Variants in SLIT3 observed in about 807,000 individuals in gnomAD.
The protein encoded by SLIT3 is slit homolog 3 protein.
In SLIT3, 68 loss-of-function variants were observed where a neutral mutation model predicts 184.0. The observed-to-expected ratio is 0.37, with a 90% CI of 0.30 to 0.45. The LOEUF (loss-of-function observed/expected upper bound fraction) is 0.45. Among genes scored for constraint, SLIT3 ranks in the 20% least tolerant of loss-of-function variants. SLIT3 has a pLI of 1.00. For missense variants in SLIT3, 1,707 were observed against 2,026.0 expected (o/e 0.84, Z 3.02); for synonymous variants, 831 against 828.6 (o/e 1.00, Z -0.05).
At chr5:169,010,057 A>G (rs1269239550) in intron 4 of SLIT3, among the ~76,000 whole-genome samples, 2 of 152,212 alleles carry the variant, frequency 1.3e-5, no homozygotes, top group East Asian at 3.9e-4. Context: ...CGAGTTTTAC[A>G]GGAGGAAGGA....
chr5:169,276,721 T>C (rs1766819447), intron 1 of SLIT3, among the ~76,000 whole-genome samples: 1 of 152,202 alleles, frequency 6.6e-6, no homozygotes, highest in South Asian at 2.1e-4. Flanking sequence ...CAACTACAAA[T>C]AGAATGATTA....
chr5:168,880,145 A>G lies in SLIT3; in HGVS notation c.485+3120T>C, dbSNP rs189621716. The stretch of plus-strand genomic sequence containing the variant: ...TCTCTCTCCCAAGAGACAGCGTGAG[A>G]GAGAGATACGAGCCTAAACCCTCAC... On this transcript the variant is annotated intron_variant, in intron 5 of 35. Transcript: ENST00000519560. Among the ~76,000 whole-genome samples, 5 of 152,310 alleles carry G rather than the reference A, an allele frequency of 3.3e-5. No individual in the cohort carries two copies. The East Asian group carries it at 9.6e-4, about 29-fold the overall frequency.
At chr5:169,289,779 A>T (rs561438648) in intron 1 of SLIT3, among the ~76,000 whole-genome samples, 1 of 152,358 alleles carries the variant, frequency 6.6e-6, no homozygotes, top group African/African-American at 2.4e-5. Context: ...AAGCTCAGGG[A>T]GAGATGCAAA....
chr5:169,060,368 G>A (rs1411273023), intron 4 of SLIT3, among the ~76,000 whole-genome samples: 1 of 151,834 alleles, frequency 6.6e-6, no homozygotes, highest in Non-Finnish European at 1.5e-5. Flanking sequence ...CTCCAGCCTG[G>A]GTGACAGAGC....
At chr5:169,215,177 TCCTCTGC>T (rs1467069163) in intron 3 of SLIT3, among the ~76,000 whole-genome samples, 1 of 152,196 alleles carries the variant, frequency 6.6e-6, no homozygotes, top group Non-Finnish European at 1.5e-5. Context: ...GTGTCATCTG[TCCTCTGC>T]CCCCCAGCCA....
intron 14 of SLIT3, among the ~76,000 whole-genome samples, chr5:168,764,944 G>A (rs1429102155): frequency 2.0e-5 from 3 of 152,154 alleles, no homozygotes; most frequent in Non-Finnish European, 4.4e-5. Flanking sequence ...ATTTCATTTT[G>A]CAAACCCTGT....
rs185564690 is a variant in SLIT3 at position 169,255,807 on chromosome 5, C to T, written c.198-4348G>A. On this transcript the variant is annotated intron_variant, in intron 1 of 35. Coordinates refer to ENST00000519560, the MANE Select transcript of SLIT3 (RefSeq NM_003062.4). ...CTGAGGCAGGAGAATGGTGTGAACC[C>T]GGGAGGCAGAGCTTGCAGTGAGCCG... Among the ~76,000 whole-genome samples the T allele has an allele frequency of 4.4e-3, 664 of 152,080 alleles. 5 individuals carry two copies. Among genetic ancestry groups the T allele is most frequent in the African/African-American group, 0.015 (614 of 41,508 alleles).
intron 4 of SLIT3, among the ~76,000 whole-genome samples, chr5:169,000,972 G>C (rs929275579): frequency 9.9e-5 from 15 of 152,154 alleles, no homozygotes; most frequent in African/African-American, 3.6e-4. Context: ...TGCACTGAAT[G>C]GCTCCCCTGG....
intron 11 of SLIT3, 137 bp downstream of exon 11, chr5:168,789,423 T>C (rs1401613723): frequency 3.3e-6 from 2 of 612,446 alleles, no homozygotes; most frequent in Non-Finnish European, 5.9e-6. Flanking sequence ...AATATTTGTT[T>C]CTTTTACCAG....
intron 4 of SLIT3, among the ~76,000 whole-genome samples, chr5:168,948,542 G>A (rs544438565): frequency 6.6e-6 from 1 of 152,260 alleles, no homozygotes; most frequent in African/African-American, 2.4e-5. Context: ...TGTAAGTTGT[G>A]GAATTTTCCC....
chr5:168,812,308 T>C (rs2113645431), intron 8 of SLIT3, among the ~76,000 whole-genome samples: 1 of 152,310 alleles, frequency 6.6e-6, no homozygotes, highest in Middle Eastern at 3.4e-3. Flanking sequence ...TGACTACAGT[T>C]AACAATATTG....
chr5:169,001,874 T>G (rs559601418), intron 4 of SLIT3, among the ~76,000 whole-genome samples: 1 of 152,048 alleles, frequency 6.6e-6, no homozygotes, highest in East Asian at 1.9e-4. Flanking sequence ...CCTTTTTTTT[T>G]CCCCTTGACA....
At chr5:168,932,899 G>GA (rs1762039179) in intron 4 of SLIT3, among the ~76,000 whole-genome samples, 1 of 152,214 alleles carries the variant, frequency 6.6e-6, no homozygotes, top group South Asian at 2.1e-4. Context: ...CTGGCCCATA[G>GA]AAAGAGCTCA....
intron 6 of SLIT3, among the ~76,000 whole-genome samples, chr5:168,825,169 A>G (rs987398915): frequency 6.6e-6 from 1 of 152,158 alleles, no homozygotes; most frequent in Non-Finnish European, 1.5e-5. Flanking sequence ...GGAGGCCACT[A>G]TGTTACTGAC....
intron 1 of SLIT3, among the ~76,000 whole-genome samples, chr5:169,260,574 G>T (rs1766129721): frequency 6.6e-6 from 1 of 152,160 alleles, no homozygotes; most frequent in Non-Finnish European, 1.5e-5. Flanking sequence ...GCTTAGAGGT[G>T]ATAATTGCTC....
At chr5:169,059,687 G>A (rs1407666529) in intron 4 of SLIT3, among the ~76,000 whole-genome samples, 5 of 152,174 alleles carry the variant, frequency 3.3e-5, no homozygotes, top group African/African-American at 9.7e-5. Flanking sequence ...CTAAATGTCT[G>A]ACTTGGCTTA....
chr5:169,207,861 A>C (rs1764126086), intron 3 of SLIT3, among the ~76,000 whole-genome samples: 1 of 152,214 alleles, frequency 6.6e-6, no homozygotes, highest in Non-Finnish European at 1.5e-5. Flanking sequence ...CAATGTGAGC[A>C]CATAAGCTAG....
At chr5:169,057,891 C>T (rs1758058594) in intron 4 of SLIT3, among the ~76,000 whole-genome samples, 1 of 152,216 alleles carries the variant, frequency 6.6e-6, no homozygotes, top group Non-Finnish European at 1.5e-5. Context: ...CAAAAAGACA[C>T]AGCTTTCTTT....
chr5:168,903,480 T>A (rs1294770959), intron 4 of SLIT3, among the ~76,000 whole-genome samples: 1 of 152,206 alleles, frequency 6.6e-6, no homozygotes, highest in East Asian at 1.9e-4. Context: ...ATCAGAGGGC[T>A]GAGGCTTTGC....
Sources: gnomAD v4.1 joint callset for allele counts (sites outside exome capture counted in the v4.1 genomes callset) on GRCh38, gnomAD v4.1.1 for gene constraint, MANE v1.5 for transcripts, NCBI Gene and HGNC (gene_info 2026-07-23, HGNC 2026-07-21) for gene names.